RBFOX1: variants seen among roughly 807,000 people sequenced by gnomAD.
The protein encoded by RBFOX1 is RNA binding fox-1 homolog 1.
A neutral mutation model predicts 57.7 loss-of-function variants in RBFOX1; 8 were observed. That is an observed-to-expected ratio of 0.14 (90% CI 0.08 to 0.25). The LOEUF (loss-of-function observed/expected upper bound fraction) is 0.25. Ranked by LOEUF, RBFOX1 falls within the 10% of genes least tolerant of loss-of-function variation. RBFOX1 has a pLI of 1.00. For synonymous variants in RBFOX1, 326 were observed against 222.4 expected (o/e 1.47, Z -4.15); for missense variants, 611 against 548.5 (o/e 1.11, Z -1.14).
intron 2 of RBFOX1, among the ~76,000 whole-genome samples, chr16:6,422,206 G>GCCA (rs1343885986): frequency 6.7e-6 from 1 of 149,706 alleles, no homozygotes; most frequent in Non-Finnish European, 1.5e-5. Context: ...ACAAGTGTGA[G>GCCA]CCACCACGCC....
At chr16:6,438,405 A>G (rs1044247996) in intron 2 of RBFOX1, among the ~76,000 whole-genome samples, 1 of 152,156 alleles carries the variant, frequency 6.6e-6, no homozygotes, top group Non-Finnish European at 1.5e-5. Flanking sequence ...ACACCCAAAT[A>G]GTCTGATCTC....
chr16:5,938,484 G>A (rs144808462), intron 4 of RBFOX1, among the ~76,000 whole-genome samples: 11 of 152,246 alleles, frequency 7.2e-5, no homozygotes, highest in Admixed American at 2.0e-4. Flanking sequence ...CTCAGTCTCC[G>A]TGGCAAGTTG....
chr16:5,715,807 T>C (rs2051675420), intron 3 of RBFOX1, among the ~76,000 whole-genome samples: 1 of 152,166 alleles, frequency 6.6e-6, no homozygotes, highest in Non-Finnish European at 1.5e-5. Context: ...AGGGCTTCCT[T>C]TTACTGGCCC....
intron 4 of RBFOX1, among the ~76,000 whole-genome samples, chr16:7,104,394 C>A (rs1336360676): frequency 6.6e-6 from 1 of 152,108 alleles, no homozygotes; most frequent in African/African-American, 2.4e-5. Context: ...CCCATCAGGA[C>A]AGTATGCCCC....
intron 2 of RBFOX1, among the ~76,000 whole-genome samples, chr16:6,362,612 G>A (rs1017051519): frequency 2.0e-5 from 3 of 152,178 alleles, no homozygotes; most frequent in African/African-American, 7.2e-5. Context: ...AAGGTAGAGG[G>A]CAGAGTAAAT....
At chr16:5,400,392 C>G (rs933942628) in intron 1 of RBFOX1, among the ~76,000 whole-genome samples, 2 of 152,116 alleles carry the variant, frequency 1.3e-5, no homozygotes, top group Non-Finnish European at 1.5e-5. Context: ...CACACCCGGC[C>G]ACTGCTTGCT....
intron 1 of RBFOX1, among the ~76,000 whole-genome samples, chr16:6,152,258 G>T (rs1366211968): frequency 2.0e-5 from 3 of 152,202 alleles, no homozygotes; most frequent in African/African-American, 4.8e-5. Flanking sequence ...GGAGGAAGAA[G>T]CTGAGGACAG....
At chr16:6,172,192 C>G (rs955229826) in intron 1 of RBFOX1, among the ~76,000 whole-genome samples, 1 of 152,084 alleles carries the variant, frequency 6.6e-6, no homozygotes, top group Non-Finnish European at 1.5e-5. Context: ...GAGAATGAGG[C>G]CTTGCAGCCA....
At chr16:6,082,248 T>C (rs28651875) in intron 1 of RBFOX1, among the ~76,000 whole-genome samples, 26,224 of 141,476 alleles carry the variant, frequency 0.19, 4,329 homozygotes, top group African/African-American at 0.42. Context: ...TGGTGCAATC[T>C]CGGCTCATTG....
intron 2 of RBFOX1, among the ~76,000 whole-genome samples, chr16:6,414,697 G>A (rs887891728): frequency 3.3e-5 from 5 of 152,094 alleles, no homozygotes; most frequent in Non-Finnish European, 5.9e-5. Flanking sequence ...CATTGTCACC[G>A]GCCCTGTACA....
chr16:6,961,432 T>A (rs990879033), intron 3 of RBFOX1, among the ~76,000 whole-genome samples: 1 of 152,138 alleles, frequency 6.6e-6, no homozygotes, highest in African/African-American at 2.4e-5. Context: ...CAACAAAGAT[T>A]GTTGCTTTTG....
At chr16:5,363,115 C>T (rs557240082) in intron 1 of RBFOX1, among the ~76,000 whole-genome samples, 1 of 147,776 alleles carries the variant, frequency 6.8e-6, no homozygotes, top group South Asian at 2.1e-4. Flanking sequence ...CTCACTGCAA[C>T]CTCCACCTCC....
chr16:7,160,238 G>A (rs866363764), intron 4 of RBFOX1, among the ~76,000 whole-genome samples: 2 of 150,434 alleles, frequency 1.3e-5, no homozygotes, highest in African/African-American at 4.9e-5. Context: ...TTATGACTAT[G>A]TGCTTTAGAG....
At chr16:7,285,743 A>G (rs1348205414) in intron 4 of RBFOX1, among the ~76,000 whole-genome samples, 2 of 152,162 alleles carry the variant, frequency 1.3e-5, no homozygotes, top group Non-Finnish European at 2.9e-5. Flanking sequence ...GTAGTATTCC[A>G]TGGTATGGAT....
intron 3 of RBFOX1, among the ~76,000 whole-genome samples, chr16:5,679,636 G>C (rs12933689): frequency 6.6e-6 from 1 of 152,124 alleles, no homozygotes. Context: ...AGTTTGCTGA[G>C]AATGATTGAC....
At chr16:6,861,487 T>TCCC (rs34048714) in intron 3 of RBFOX1, among the ~76,000 whole-genome samples, 5 of 133,892 alleles carry the variant, frequency 3.7e-5, no homozygotes, top group East Asian at 2.4e-4. Context: ...CCCAACCCCC[T>TCCC]CCCCCCCCGA....
At chr16:5,942,544 T>G (rs1235309789) in intron 4 of RBFOX1, among the ~76,000 whole-genome samples, 1 of 152,188 alleles carries the variant, frequency 6.6e-6, no homozygotes, top group East Asian at 1.9e-4. Context: ...CAGTGGCTGG[T>G]TATCGTTTAA....
chr16:5,267,466 T>G (rs1178161343), intron 1 of RBFOX1, among the ~76,000 whole-genome samples: 2 of 151,914 alleles, frequency 1.3e-5, no homozygotes, highest in East Asian at 3.9e-4. Context: ...CCTGGCTAAT[T>G]TTTGTATTTT....
chr16:7,406,117 A>G (rs1031895371), intron 4 of RBFOX1, among the ~76,000 whole-genome samples: 4 of 152,160 alleles, frequency 2.6e-5, no homozygotes, highest in South Asian at 2.1e-4. Flanking sequence ...TTGGCAAGAT[A>G]CCCGCATTGC....
Sources: gnomAD v4.1 joint callset for allele counts (sites outside exome capture counted in the v4.1 genomes callset) on GRCh38, gnomAD v4.1.1 for gene constraint, MANE v1.5 for transcripts, NCBI Gene and HGNC (gene_info 2026-07-23, HGNC 2026-07-21) for gene names.